The following STAMBP variants were observed in gnomAD, a reference collection of about 807,000 sequenced individuals.
STAMBP encodes the protein STAM binding protein.
Under a neutral mutation model 50.7 loss-of-function variants are expected in STAMBP, and 31 were observed. The observed-to-expected ratio is 0.61, with a 90% CI of 0.46 to 0.83. The LOEUF (loss-of-function observed/expected upper bound fraction) is 0.83, where lower values mean the gene tolerates loss of function less well. Among genes scored for constraint, STAMBP ranks in the 40% least tolerant of loss-of-function variants. STAMBP has a pLI of 0.00. For missense variants in STAMBP, 472 were observed against 518.9 expected, an observed-to-expected ratio of 0.91 and a Z score of 0.88; for synonymous variants, 211 against 192.4, an observed-to-expected ratio of 1.10 and a Z score of -0.80.
rs1365043298 is a variant in STAMBP, at chr2:73,864,692, C to A, written c.*2433C>A. On this transcript the variant is annotated 3_prime_UTR_variant, in exon 10 of 10. Coordinates refer to ENST00000394070, the MANE Select transcript of STAMBP (RefSeq NM_213622.4). ...TCCTGGGTTCCCGAGGCTCAAAGAC[C>A]AGGAGACTTTTCCACTCTTGCAAGC... 1 of 152,194 alleles carries A rather than the reference C, an allele frequency of 6.6e-6. No individual in the cohort carries two copies. Among genetic ancestry groups the A allele is most frequent in the African/African-American group, 2.4e-5 (1 of 41,438 alleles). 9.4% of individuals were successfully genotyped at this position (152,194 alleles called of 1,614,324 possible).
chr2:73,858,859 A>C (rs1248575240), intron 7 of STAMBP, among the ~76,000 whole-genome samples: 1 of 152,110 alleles, frequency 6.6e-6, no homozygotes, highest in Non-Finnish European at 1.5e-5. Context: ...TCCTTCAGAG[A>C]CCAGACTTGG....
chr2:73,845,688 G>A (rs1336521804), intron 4 of STAMBP, among the ~76,000 whole-genome samples: 1 of 148,406 alleles, frequency 6.7e-6, no homozygotes, highest in East Asian at 2.0e-4. Flanking sequence ...CTGGAGTGCA[G>A]TGGCACGATC....
intron 6 of STAMBP, 102 bp downstream of exon 6, chr2:73,849,589 CTT>C: frequency 1.4e-6 from 2 of 1,441,228 alleles, no homozygotes; most frequent in African/African-American, 1.4e-5. Flanking sequence ...GTCAGTTACT[CTT>C]TGTACCAAGG....
At chr2:73,830,431 C>G (rs967827488) in intron 1 of STAMBP, among the ~76,000 whole-genome samples, 3 of 152,240 alleles carry the variant, frequency 2.0e-5, no homozygotes, top group African/African-American at 7.2e-5. Context: ...ACTGAGTGCA[C>G]TCTGCCAGGT....
At chr2:73,852,057 G>GATAT (rs1172081004) in intron 7 of STAMBP, among the ~76,000 whole-genome samples, 2 of 152,194 alleles carry the variant, frequency 1.3e-5, no homozygotes, top group African/African-American at 4.8e-5. Context: ...GTAGAGCAAT[G>GATAT]ATATGATTAA....
At chr2:73,852,971 T>A (rs528644853) in intron 7 of STAMBP, among the ~76,000 whole-genome samples, 87 of 147,084 alleles carry the variant, frequency 5.9e-4, no homozygotes, top group African/African-American at 2.0e-3. Flanking sequence ...TAGTAGAGAC[T>A]GGGTTTCACT....
chr2:73,868,198 G>A (rs1359164755), downstream of STAMBP, among the ~76,000 whole-genome samples: 3 of 150,456 alleles, frequency 2.0e-5, no homozygotes, highest in Admixed American at 6.6e-5. Context: ...CATAAATTGT[G>A]TACACACACA....
At chr2:73,833,042 A>C (rs2104163819) in intron 2 of STAMBP, among the ~76,000 whole-genome samples, 1 of 152,336 alleles carries the variant, frequency 6.6e-6, no homozygotes, top group East Asian at 1.9e-4. Flanking sequence ...AGTGGTGCAG[A>C]ATGTTCCACC....
chr2:73,854,904 G>A (rs374538228), intron 7 of STAMBP, among the ~76,000 whole-genome samples: 21 of 152,236 alleles, frequency 1.4e-4, no homozygotes, highest in African/African-American at 4.6e-4. Flanking sequence ...CAGGAAGATC[G>A]CTTGAGACTG....
At chr2:73,841,749 G>A (rs1335958196) in intron 2 of STAMBP, among the ~76,000 whole-genome samples, 4 of 152,138 alleles carry the variant, frequency 2.6e-5, no homozygotes, top group African/African-American at 4.8e-5. Context: ...GCTAGTAAAT[G>A]GCAAAACCAG....
At chr2:73,837,974 G>A (rs1674930720) in intron 2 of STAMBP, among the ~76,000 whole-genome samples, 1 of 152,140 alleles carries the variant, frequency 6.6e-6, no homozygotes, top group Non-Finnish European at 1.5e-5. Flanking sequence ...ATTAGTGTTT[G>A]AAAAAGGAGA....
At position 73,845,258 on chromosome 2, in the gene STAMBP, A is replaced by T; in HGVS notation, c.371A>T (p.Glu124Val). Residue 124 changes from glutamate (E) to valine (V), a missense_variant, in exon 4 of 10, where the codon GAA becomes GTA. Coordinates refer to ENST00000394070, the MANE Select transcript of STAMBP (RefSeq NM_213622.4). ...YTKEYTEYNE[E>V]KKKEAEELAR... Reference sequence around the variant, plus strand: ...AAAGAATATACAGAATATAATGAAGAAAAGGTCAGTATATAACAGCTAAGA... The same window carrying T: ...AAAGAATATACAGAATATAATGAAGTAAAGGTCAGTATATAACAGCTAAGA... The T allele has an allele frequency of 1.2e-6, 2 of 1,608,212 alleles. No homozygotes were observed. Among genetic ancestry groups the T allele is most frequent in the Non-Finnish European group, 1.7e-6 (2 of 1,174,832 alleles).
At chr2:73,860,203 GTCAGAGCTGATGAAATGCA>G in intron 9 of STAMBP, 52 bp downstream of exon 9, 3 of 1,469,530 alleles carry the variant, frequency 2.0e-6, no homozygotes. Flanking sequence ...AGGGAGGACA[GTCAGAGCTGATGAAATGCA>G]TCATCCTTTC....
At chr2:73,851,266 A>C (rs1303274215) in intron 7 of STAMBP, among the ~76,000 whole-genome samples, 1 of 152,136 alleles carries the variant, frequency 6.6e-6, no homozygotes, top group Non-Finnish European at 1.5e-5. Flanking sequence ...TGATTTGCCT[A>C]TTATTGTGTA....
chr2:73,857,954 A>G (rs1235256692), intron 7 of STAMBP, among the ~76,000 whole-genome samples: 2 of 151,604 alleles, frequency 1.3e-5, no homozygotes, highest in Non-Finnish European at 2.9e-5. Flanking sequence ...CAGCTCTTCC[A>G]GTTTCCAATA....
intron 2 of STAMBP, among the ~76,000 whole-genome samples, chr2:73,837,879 T>C (rs925543848): frequency 1.3e-5 from 2 of 151,958 alleles, no homozygotes; most frequent in East Asian, 1.9e-4. Flanking sequence ...GGAGAGTCAA[T>C]AGGGGAGACT....
rs1369308102 is a variant in STAMBP, at chr2:73,834,225, AAAAAAAAAAAAATATATATATATATATAT to A, written c.203+3168_203+3196del. ...ATCATGTCTTAAAAAAAAAAAAAAA[AAAAAAAAAAAAATATATATATATATATAT>A]ATATATATATATATATATATATATA... On this transcript the variant is annotated intron_variant, in intron 2 of 9. Coordinates refer to ENST00000394070, the MANE Select transcript of STAMBP (RefSeq NM_213622.4). 1.3e-3 allele frequency among the ~76,000 whole-genome samples: 31 copies of A among 24,660 alleles called. 1 individual carries two copies. Among genetic ancestry groups the A allele is most frequent in the African/African-American group, 3.6e-3 (29 of 8,048 alleles). The allele number at this position is 24,660 out of a possible 152,430, so 16.2% of individuals were successfully genotyped here. A position where few individuals can be genotyped will look rare whatever the true frequency, so the allele number is the denominator to read the frequency against.
intron 2 of STAMBP, among the ~76,000 whole-genome samples, chr2:73,834,376 T>G (rs1674469420): frequency 1.3e-5 from 2 of 149,364 alleles, no homozygotes; most frequent in African/African-American, 4.9e-5. Context: ...TCACATACTT[T>G]ATATATTGTA....
chr2:73,849,945 A>G (rs561065901), intron 6 of STAMBP, among the ~76,000 whole-genome samples: 18 of 152,328 alleles, frequency 1.2e-4, no homozygotes, highest in African/African-American at 3.8e-4. Context: ...GGAGGCACTT[A>G]AAGAACCCAT....
Sources: allele counts gnomAD v4.1 joint callset (sites outside exome capture counted in the v4.1 genomes callset), GRCh38; gene constraint gnomAD v4.1.1; transcripts MANE v1.5; gene names NCBI Gene and HGNC (gene_info 2026-07-23, HGNC 2026-07-21).